Variants in SNX29 observed in about 807,000 individuals in gnomAD.
SNX29 encodes sorting nexin 29.
Under a neutral mutation model 102.1 loss-of-function variants are expected in SNX29, and 78 were observed. That is an observed-to-expected ratio of 0.76 (90% CI 0.64 to 0.92). The LOEUF is 0.92. Ranked by LOEUF, SNX29 falls within the 40% of genes least tolerant of loss-of-function variation. The probability of loss-of-function intolerance (pLI) is 0.00; values close to 1 mark genes in which losing one functional copy is unlikely to be tolerated. For missense variants in SNX29, 1,280 were observed against 1,061.7 expected (o/e 1.21, Z -2.86); for synonymous variants, 580 against 414.5 (o/e 1.40, Z -4.85).
intron 18 of SNX29, among the ~76,000 whole-genome samples, chr16:12,437,832 C>T (rs1183872744): frequency 1.3e-5 from 2 of 152,200 alleles, no homozygotes; most frequent in South Asian, 2.1e-4. Flanking sequence ...GGCTGGCCTT[C>T]CAAACCACTC....
intron 15 of SNX29, among the ~76,000 whole-genome samples, chr16:12,348,536 C>T (rs1279294628): frequency 6.6e-6 from 1 of 150,796 alleles, no homozygotes; most frequent in Non-Finnish European, 1.5e-5. Context: ...TTCCCCGGCT[C>T]TGTGTGTGTG....
At chr16:12,240,168 G>C (rs2142282580) in intron 14 of SNX29, among the ~76,000 whole-genome samples, 1 of 152,272 alleles carries the variant, frequency 6.6e-6, no homozygotes, top group East Asian at 1.9e-4. Flanking sequence ...TGTTATTACT[G>C]CCATGGTGAT....
chr16:12,146,894 A>G (rs1462553227), intron 13 of SNX29, among the ~76,000 whole-genome samples: 3 of 152,162 alleles, frequency 2.0e-5, no homozygotes, highest in Non-Finnish European at 4.4e-5. Context: ...GAATTTTGTA[A>G]CCAGTATAGG....
At chr16:12,134,594 C>G (rs1267002447) in intron 13 of SNX29, among the ~76,000 whole-genome samples, 2 of 152,168 alleles carry the variant, frequency 1.3e-5, no homozygotes, top group East Asian at 3.8e-4. Flanking sequence ...AGAGCGCACC[C>G]AAGATGGAAG....
chr16:12,427,289 G>A (rs1051538024), intron 18 of SNX29, among the ~76,000 whole-genome samples: 1 of 151,302 alleles, frequency 6.6e-6, no homozygotes, highest in African/African-American at 2.4e-5. Flanking sequence ...TTTTTTTTGT[G>A]ATGAAAATCT....
chr16:12,203,975 C>T (rs567824500), intron 14 of SNX29, among the ~76,000 whole-genome samples: 72 of 152,314 alleles, frequency 4.7e-4, no homozygotes, highest in African/African-American at 1.3e-3. Flanking sequence ...TCGGTGGCTT[C>T]ATCCTTGGCC....
chr16:12,080,805 C>T (rs1222897388), intron 11 of SNX29, among the ~76,000 whole-genome samples: 2 of 151,878 alleles, frequency 1.3e-5, no homozygotes, highest in East Asian at 1.9e-4. Context: ...GATTCTCCTG[C>T]GTCAGCCTCC....
At chr16:12,482,442 C>G (rs2087991669) in intron 19 of SNX29, among the ~76,000 whole-genome samples, 1 of 152,140 alleles carries the variant, frequency 6.6e-6, no homozygotes, top group South Asian at 2.1e-4. Context: ...GCTGGGACCA[C>G]AGGCATGCAG....
Position 12,342,319 on chromosome 16 carries a change from C to A in SNX29, c.1783-13844C>A, listed in dbSNP as rs576205915. ...CTTGGCATTTTAACATACAAGATCT[C>A]GGTCATATCTTCAGTGTCCCATGGA... On this transcript the variant is annotated intron_variant, in intron 15 of 20. Transcript: ENST00000566228. Among the ~76,000 whole-genome samples the A allele has an allele frequency of 3.3e-5, 5 of 152,296 alleles. No individual in the cohort carries two copies. In the East Asian group the frequency reaches 9.7e-4, roughly 29 times the overall value.
chr16:12,202,089 G>A (rs989320381), intron 14 of SNX29, among the ~76,000 whole-genome samples: 3 of 152,142 alleles, frequency 2.0e-5, no homozygotes, highest in Admixed American at 6.6e-5. Flanking sequence ...GGTTACGTAC[G>A]TACGGCGACT....
At position 12,272,878 on chromosome 16, in the gene SNX29, G is replaced by A. The variant is rs182280574; in HGVS notation, c.1679-5055G>A. On this transcript the variant is annotated intron_variant, in intron 14 of 20. Coordinates refer to ENST00000566228, the MANE Select transcript of SNX29 (RefSeq NM_032167.5). ...TTTTTGGAATTACTTATTTCTCATC[G>A]TGGAAGAGGAAGGGTAACTGTCTTT... 5.7e-4 allele frequency among the ~76,000 whole-genome samples: 87 copies of A among 152,184 alleles called. 1 individual carries two copies. The highest frequency in any genetic ancestry group is 1.1e-3 in the Non-Finnish European group (77 of 68,022).
chr16:12,354,683 A>G (rs2082081580), intron 15 of SNX29, among the ~76,000 whole-genome samples: 3 of 152,210 alleles, frequency 2.0e-5, no homozygotes. Flanking sequence ...GCCCAGAGGA[A>G]GCTCGTGGGG....
At chr16:12,462,816 G>A (rs146835885) in intron 18 of SNX29, among the ~76,000 whole-genome samples, 3 of 152,296 alleles carry the variant, frequency 2.0e-5, no homozygotes, top group East Asian at 1.9e-4. Flanking sequence ...TATCAGTGCC[G>A]CAAATGGAGC....
chr16:12,071,796 C>T (rs553284063), intron 10 of SNX29, among the ~76,000 whole-genome samples: 64 of 152,290 alleles, frequency 4.2e-4, no homozygotes, highest in African/African-American at 1.4e-3. Context: ...ATTCTTCCTA[C>T]CCATGAGCAT....
intron 19 of SNX29, among the ~76,000 whole-genome samples, chr16:12,493,500 T>C (rs949287178): frequency 3.9e-5 from 6 of 152,150 alleles, no homozygotes; most frequent in African/African-American, 1.4e-4. Context: ...ATTTGACTTC[T>C]TCTTTTCCTA....
chr16:12,039,945 C>G (rs1018332294), intron 4 of SNX29, among the ~76,000 whole-genome samples: 27 of 152,160 alleles, frequency 1.8e-4, no homozygotes, highest in African/African-American at 6.5e-4. Flanking sequence ...ATAGTTAATG[C>G]TCAGTAAATA....
chr16:12,520,925 G>A (rs890972934), intron 19 of SNX29, among the ~76,000 whole-genome samples: 4 of 152,204 alleles, frequency 2.6e-5, no homozygotes, highest in African/African-American at 9.7e-5. Flanking sequence ...AAGGCCGGGT[G>A]CAGTAGCTCA....
rs1393029302 is a variant in SNX29 at position 12,199,700 on chromosome 16, G to C, written c.1678+17G>C. ...CAGCTGAAGGTGAGGGGGAGCCTGAGCCCGGGTTGGGAGGGGCCGGGCTTT... is the reference window on the plus strand; with the variant it reads ...CAGCTGAAGGTGAGGGGGAGCCTGACCCCGGGTTGGGAGGGGCCGGGCTTT... On this transcript the variant is annotated intron_variant, in intron 14 of 20. Transcript: ENST00000566228. 1 of 1,608,398 alleles carries C rather than the reference G, an allele frequency of 6.2e-7. No individual in the cohort carries two copies. The highest frequency in any genetic ancestry group is 2.2e-5 in the East Asian group (1 of 44,590).
At chr16:12,276,523 C>G (rs76839937) in intron 14 of SNX29, among the ~76,000 whole-genome samples, 4,760 of 152,256 alleles carry the variant, frequency 0.031, 116 homozygotes, top group Non-Finnish European at 0.041. Context: ...ACCCGCATCA[C>G]TGGGGGGCTA....
Sources: gnomAD v4.1 joint callset for allele counts (sites outside exome capture counted in the v4.1 genomes callset) on GRCh38, gnomAD v4.1.1 for gene constraint, MANE v1.5 for transcripts, NCBI Gene and HGNC (gene_info 2026-07-23, HGNC 2026-07-21) for gene names.